Variants in DYNC2I1 observed in about 807,000 individuals in gnomAD.
DYNC2I1 encodes dynein 2 intermediate chain 1, also known as cytoplasmic dynein 2 intermediate chain 1.
Under a neutral mutation model 133.4 loss-of-function variants are expected in DYNC2I1, and 89 were observed. The observed-to-expected ratio is 0.67, with a 90% CI of 0.56 to 0.80. The LOEUF is 0.80. DYNC2I1 is among the 30% of genes least tolerant of loss of function. DYNC2I1 has a pLI of 0.00. For synonymous variants in DYNC2I1, 504 were observed against 484.3 expected (o/e 1.04, Z -0.54); for missense variants, 1,291 against 1,314.5 (o/e 0.98, Z 0.28).
At chr7:158,885,128 C>G (rs1002993695) in intron 6 of DYNC2I1, among the ~76,000 whole-genome samples, 2 of 152,134 alleles carry the variant, frequency 1.3e-5, no homozygotes, top group African/African-American at 4.8e-5. Context: ...GGCGAGTCCC[C>G]CTCTGCCCAC....
At chr7:158,855,158 G>A (rs1380477848), upstream of DYNC2I1, among the ~76,000 whole-genome samples, 1 of 152,216 alleles carries the variant, frequency 6.6e-6, no homozygotes, top group African/African-American at 2.4e-5. Flanking sequence ...GGAGACTAGA[G>A]TTTTATTATT....
At chr7:158,893,216 C>G (rs556895773) in intron 8 of DYNC2I1, among the ~76,000 whole-genome samples, 3 of 152,228 alleles carry the variant, frequency 2.0e-5, no homozygotes, top group South Asian at 2.1e-4. Flanking sequence ...TGCCCTAAAA[C>G]CCCTGTGCTC....
chr7:158,900,745 T>C (rs1382767057), intron 8 of DYNC2I1, among the ~76,000 whole-genome samples: 2 of 151,610 alleles, frequency 1.3e-5, no homozygotes, highest in Admixed American at 6.6e-5. Context: ...TTTTTTTTTT[T>C]TTTTCCTTCC....
In DYNC2I1 at chr7:158,892,391, T is replaced by A. The variant is rs562482709; in HGVS notation, c.1059+1058T>A. Among the ~76,000 whole-genome samples the A allele has an allele frequency of 9.8e-5, 15 of 152,336 alleles. 1 individual carries two copies. Among genetic ancestry groups the A allele is most frequent in the African/African-American group, 3.4e-4 (14 of 41,576 alleles). The stretch of plus-strand genomic sequence containing the variant: ...TATGATAATGTGCAATGACTTTATA[T>A]GATAATGTGCCAAGAGGACCTTATT... On this transcript the variant is annotated intron_variant, in intron 8 of 24. Coordinates refer to ENST00000407559, the MANE Select transcript of DYNC2I1 (RefSeq NM_018051.5).
intron 4 of DYNC2I1, 74 bp downstream of exon 4, chr7:158,876,765 G>A: frequency 6.8e-7 from 1 of 1,462,380 alleles, no homozygotes; most frequent in South Asian, 1.5e-5. Flanking sequence ...ATTATTGTTG[G>A]AAGCATTTTT....
chr7:158,893,807 C>T (rs887158116), intron 8 of DYNC2I1, among the ~76,000 whole-genome samples: 5 of 150,088 alleles, frequency 3.3e-5, no homozygotes, highest in Non-Finnish European at 5.9e-5. Context: ...CATGTCACAC[C>T]GCATATCATA....
chr7:158,947,214 CCT>C (rs1378184274), downstream of DYNC2I1, among the ~76,000 whole-genome samples: 3 of 152,142 alleles, frequency 2.0e-5, no homozygotes, highest in African/African-American at 4.8e-5. Context: ...AGGCACGCGG[CCT>C]CTCTCTGCAT....
chr7:158,859,135 A>G (rs1359364490), intron 1 of DYNC2I1, among the ~76,000 whole-genome samples: 1 of 150,020 alleles, frequency 6.7e-6, no homozygotes, highest in African/African-American at 2.5e-5. Context: ...TGCTGGGACT[A>G]CAGGTGCGAG....
intron 21 of DYNC2I1, among the ~76,000 whole-genome samples, chr7:158,931,572 T>C (rs987161444): frequency 5.9e-5 from 9 of 152,202 alleles, no homozygotes; most frequent in South Asian, 4.1e-4. Context: ...AGGGCCCTTA[T>C]TGCTTTATAT....
chr7:158,901,292 C>G (rs567025403), intron 8 of DYNC2I1, among the ~76,000 whole-genome samples: 1 of 152,118 alleles, frequency 6.6e-6, no homozygotes, highest in East Asian at 1.9e-4. Context: ...CGCTGGTCTT[C>G]AGCTCCTGAG....
intron 4 of DYNC2I1, among the ~76,000 whole-genome samples, chr7:158,954,596 T>C (rs1852151734): frequency 6.6e-6 from 1 of 152,232 alleles, no homozygotes; most frequent in African/African-American, 2.4e-5. Context: ...TGCAGTGAGC[T>C]GAGCTCGTGC....
intron 8 of DYNC2I1, among the ~76,000 whole-genome samples, chr7:158,896,937 C>T: frequency 1.4e-5 from 2 of 145,980 alleles, no homozygotes; most frequent in East Asian, 2.0e-4. Context: ...AGGAAGTATT[C>T]TTTCTGCCTC....
intron 4 of DYNC2I1, among the ~76,000 whole-genome samples, chr7:158,954,723 ATAAG>A (rs1394499819): frequency 7.2e-5 from 11 of 152,258 alleles, no homozygotes; most frequent in Admixed American, 2.6e-4. Flanking sequence ...TATATTAAAA[ATAAG>A]TAAGAAAAAA....
At chr7:158,862,702 G>C (rs1749511657) in intron 1 of DYNC2I1, among the ~76,000 whole-genome samples, 1 of 152,036 alleles carries the variant, frequency 6.6e-6, no homozygotes. Context: ...GGTTCCTTCT[G>C]GTGGGTTCTT....
At chr7:158,923,527 C>T (rs760208246) in intron 16 of DYNC2I1, 44 bp from the exon 17 acceptor site, 20 of 1,613,814 alleles carry the variant, frequency 1.2e-5, no homozygotes, top group Non-Finnish European at 1.4e-5. Flanking sequence ...TAGCATGCTT[C>T]TCATATTCTT....
At chr7:158,957,567 G>T (rs1423843564), downstream of DYNC2I1, among the ~76,000 whole-genome samples, 3 of 152,166 alleles carry the variant, frequency 2.0e-5, no homozygotes, top group South Asian at 2.1e-4. Flanking sequence ...TCCTTCCCAC[G>T]TGCCACGGGC....
At chr7:158,863,278 A>G (rs946763000) in intron 1 of DYNC2I1, among the ~76,000 whole-genome samples, 1 of 151,868 alleles carries the variant, frequency 6.6e-6, no homozygotes, top group African/African-American at 2.4e-5. Flanking sequence ...CAGAGCGCTG[A>G]TTGGTCCGTT....
At chr7:158,918,033 C>G (rs1159881677) in intron 14 of DYNC2I1, among the ~76,000 whole-genome samples, 3 of 151,898 alleles carry the variant, frequency 2.0e-5, no homozygotes, top group Non-Finnish European at 4.4e-5. Context: ...ACACAGTCAG[C>G]TCTCACTCAA....
upstream of DYNC2I1, among the ~76,000 whole-genome samples, chr7:158,852,128 C>T (rs1278071297): frequency 6.6e-6 from 1 of 151,142 alleles, no homozygotes; most frequent in Non-Finnish European, 1.5e-5. Flanking sequence ...ATTCTAAGGG[C>T]TGTTTTTTTT....
Sources: gnomAD v4.1 joint callset for allele counts (sites outside exome capture counted in the v4.1 genomes callset) on GRCh38, gnomAD v4.1.1 for gene constraint, MANE v1.5 for transcripts, NCBI Gene and HGNC (gene_info 2026-07-23, HGNC 2026-07-21) for gene names.